Variants in ZDHHC15 observed in about 807,000 individuals in gnomAD.
The protein encoded by ZDHHC15 is palmitoyltransferase ZDHHC15.
ZDHHC15 carries 19 observed loss-of-function variants against 31.7 expected under a neutral mutation model. That is an observed-to-expected ratio of 0.60 (90% CI 0.42 to 0.88). ZDHHC15 has a LOEUF of 0.88. Among genes scored for constraint, ZDHHC15 ranks in the 40% least tolerant of loss-of-function variants. The pLI is 0.00. For missense variants in ZDHHC15, 209 were observed against 251.2 expected, an observed-to-expected ratio of 0.83 and a Z score of 1.14; for synonymous variants, 103 against 90.0, an observed-to-expected ratio of 1.14 and a Z score of -0.82.
intron 4 of ZDHHC15, among the ~76,000 whole-genome samples, chrX:75,437,936 A>G (rs915007619): frequency 4.5e-5 from 5 of 111,008 alleles, no homozygotes; most frequent in Non-Finnish European, 7.6e-5. Context: ...TTACAAGAAA[A>G]AAACAAACAA....
intron 10 of ZDHHC15, among the ~76,000 whole-genome samples, chrX:75,385,782 T>C (rs1000978603): frequency 9.0e-6 from 1 of 111,708 alleles, no homozygotes; most frequent in African/African-American, 3.3e-5. Context: ...ATTCTACTTA[T>C]CTAAAGCCTT....
intron 4 of ZDHHC15, among the ~76,000 whole-genome samples, chrX:75,434,788 T>A (rs757092867): frequency 8.9e-6 from 1 of 112,307 alleles, no homozygotes; most frequent in Non-Finnish European, 1.9e-5. Context: ...CCAGATTTGT[T>A]CTTTTTGCTT....
At chrX:75,497,415 G>A (rs1341889383) in intron 2 of ZDHHC15, among the ~76,000 whole-genome samples, 1 of 111,526 alleles carries the variant, frequency 9.0e-6, no homozygotes, top group Admixed American at 9.6e-5. Context: ...TCGAAGAATA[G>A]GTACTCCTAC....
chrX:75,504,695 C>G (rs1038144754), intron 2 of ZDHHC15, among the ~76,000 whole-genome samples: 1 of 111,446 alleles, frequency 9.0e-6, no homozygotes, highest in African/African-American at 3.3e-5. Context: ...ATCTAAGCCT[C>G]TACTCAATTT....
intron 2 of ZDHHC15, among the ~76,000 whole-genome samples, chrX:75,486,392 G>GA (rs2084777853): frequency 8.9e-6 from 1 of 112,256 alleles, no homozygotes; most frequent in Non-Finnish European, 1.9e-5. Flanking sequence ...GCCACAGAAT[G>GA]AAAAAAGCTT....
At chrX:75,508,891 T>C (rs949299788) in intron 1 of ZDHHC15, among the ~76,000 whole-genome samples, 10 of 111,570 alleles carry the variant, frequency 9.0e-5, no homozygotes, top group African/African-American at 1.3e-4. Context: ...ATTTCTCTGA[T>C]GGTCAGTGAT....
At chrX:75,495,199 T>A (rs777763995) in intron 2 of ZDHHC15, among the ~76,000 whole-genome samples, 1 of 112,023 alleles carries the variant, frequency 8.9e-6, no homozygotes, top group African/African-American at 3.2e-5. Flanking sequence ...ATCACTGGCA[T>A]TCAGAGAAAT....
intron 4 of ZDHHC15, among the ~76,000 whole-genome samples, chrX:75,449,790 T>C (rs886678926): frequency 1.8e-5 from 2 of 111,934 alleles, no homozygotes; most frequent in Admixed American, 9.6e-5. Flanking sequence ...TTAGAAACAT[T>C]AGGATGACAT....
intron 4 of ZDHHC15, among the ~76,000 whole-genome samples, chrX:75,447,171 G>T (rs2084045443): frequency 9.0e-6 from 1 of 111,620 alleles, no homozygotes; most frequent in South Asian, 3.8e-4. Context: ...GACCAACACT[G>T]AGCACCTGAT....
chrX:75,449,532 C>T (rs991178305), intron 4 of ZDHHC15, among the ~76,000 whole-genome samples: 6 of 111,658 alleles, frequency 5.4e-5, no homozygotes, highest in Non-Finnish European at 9.4e-5. Context: ...AAATCCCAAA[C>T]ACTGTGTCAC....
At chrX:75,449,184 ATCTCTC>A (rs3075207) in intron 4 of ZDHHC15, among the ~76,000 whole-genome samples, 1 of 85,040 alleles carries the variant, frequency 1.2e-5, no homozygotes, top group East Asian at 1.4e-3. Context: ...ATTCCTCATA[ATCTCTC>A]TCTCTCTCTA....
chrX:75,498,891 C>T (rs2085049053), intron 2 of ZDHHC15, among the ~76,000 whole-genome samples: 1 of 111,514 alleles, frequency 9.0e-6, no homozygotes, highest in South Asian at 3.8e-4. Flanking sequence ...AATATACTAC[C>T]AGGCTATAGT....
chrX:75,460,309 G>T (rs979607884), intron 3 of ZDHHC15, among the ~76,000 whole-genome samples: 1 of 110,943 alleles, frequency 9.0e-6, no homozygotes, highest in African/African-American at 3.3e-5. Context: ...CTTCCAGGGG[G>T]AGGGGTGGCT....
chrX:75,452,085 C>A (rs774841420), intron 3 of ZDHHC15, among the ~76,000 whole-genome samples: 33 of 109,717 alleles, frequency 3.0e-4, no homozygotes, highest in Non-Finnish European at 4.9e-4. Flanking sequence ...CACAGACTGG[C>A]AAATTGGATG....
chrX:75,452,375 C>A (rs1208356838), intron 3 of ZDHHC15, among the ~76,000 whole-genome samples: 1 of 111,056 alleles, frequency 9.0e-6, no homozygotes, highest in Admixed American at 9.6e-5. Context: ...TACAGGAGCA[C>A]CCAGATTCAT....
intron 4 of ZDHHC15, among the ~76,000 whole-genome samples, chrX:75,444,715 T>C (rs2084009032): frequency 1.5e-5 from 1 of 66,760 alleles, no homozygotes; most frequent in African/African-American, 5.5e-5. Flanking sequence ...CACACACAAA[T>C]TTATGTAGAA....
At chrX:75,389,622 C>T (rs753925096) in intron 10 of ZDHHC15, among the ~76,000 whole-genome samples, 1 of 110,665 alleles carries the variant, frequency 9.0e-6, no homozygotes, top group Admixed American at 9.6e-5. Context: ...AGGGAACATG[C>T]TGTATTAAAG....
chrX:75,394,232 T>G (rs2083275585), intron 10 of ZDHHC15, among the ~76,000 whole-genome samples: 1 of 110,419 alleles, frequency 9.1e-6, no homozygotes, highest in Non-Finnish European at 1.9e-5. Context: ...AATTAAAACA[T>G]ACCACAAGAG....
intron 8 of ZDHHC15, among the ~76,000 whole-genome samples, chrX:75,422,938 A>G (rs1322110527): frequency 1.1e-5 from 1 of 94,784 alleles, no homozygotes; most frequent in African/African-American, 3.8e-5. Flanking sequence ...TATATCTCCC[A>G]ATGCTATCCC....
Sources: gnomAD v4.1 joint callset for allele counts (sites outside exome capture counted in the v4.1 genomes callset) on GRCh38, gnomAD v4.1.1 for gene constraint, MANE v1.5 for transcripts, NCBI Gene and HGNC (gene_info 2026-07-23, HGNC 2026-07-21) for gene names.